The following DRAXIN variants were observed in gnomAD, a reference collection of about 807,000 sequenced individuals.
The protein encoded by DRAXIN is dorsal repulsive axon guidance protein.
Under a neutral mutation model 33.9 loss-of-function variants are expected in DRAXIN, and 27 were observed. The ratio of observed to expected loss-of-function variants is 0.80; its 90% confidence interval spans 0.59 to 1.10. The LOEUF (loss-of-function observed/expected upper bound fraction) is 1.10, where lower values mean the gene tolerates loss of function less well. Among genes scored for constraint, DRAXIN ranks in the 50% least tolerant of loss-of-function variants. DRAXIN has a pLI of 0.00. For missense variants in DRAXIN, 371 were observed against 460.8 expected (o/e 0.81, Z 1.78); for synonymous variants, 178 against 194.0 (o/e 0.92, Z 0.69).
intron 3 of DRAXIN, among the ~76,000 whole-genome samples, chr1:11,709,715 G>A (rs1273194855): frequency 6.6e-6 from 1 of 152,252 alleles, no homozygotes; most frequent in Non-Finnish European, 1.5e-5. Context: ...CAGCCAAGGA[G>A]GCAAGCGGTA....
Position 11,705,298 on chromosome 1 carries a change from G to C in DRAXIN, c.-10-951G>C, listed in dbSNP as rs544358141. On this transcript the variant is annotated intron_variant, in intron 1 of 6. Transcript: ENST00000294485. The surrounding 1 kb of genome is among the most constrained non-coding windows in gnomAD (Gnocchi z 4.8). Reference sequence around the variant, plus strand: ...GGGGGAGCAGCTGCGGGTGGTGCACGGGGGCAGGAGGTCTCCAGAGTCTGA... The same window carrying C: ...GGGGGAGCAGCTGCGGGTGGTGCACCGGGGCAGGAGGTCTCCAGAGTCTGA... Among the ~76,000 whole-genome samples the C allele has an allele frequency of 4.6e-5, 7 of 152,234 alleles. No homozygotes were observed. Among genetic ancestry groups the C allele is most frequent in the Admixed American group, 2.6e-4 (4 of 15,300 alleles).
At position 11,712,324 on chromosome 1, in the gene DRAXIN, ATCT is replaced by A. The variant is rs756394159; in HGVS notation, c.758-11_758-9del. 4.3e-6 allele frequency: 7 copies of A among 1,613,990 alleles called. No individual in the cohort carries two copies. The highest frequency in any genetic ancestry group is 5.9e-6 in the Non-Finnish European group (7 of 1,179,934). ...GCTGGGCCCCAGCTTCTGACGACAG[ATCT>A]TCTTATCCCCAGAGAAACACCGCGG... On this transcript the variant is annotated splice_polypyrimidine_tract_variant and intron_variant, in intron 4 of 6. Transcript: ENST00000294485.
Position 11,719,793 on chromosome 1 carries a change from G to C in DRAXIN, c.*97G>C. The C allele has an allele frequency of 3.6e-6, 4 of 1,106,404 alleles. No homozygotes were observed. The highest frequency in any genetic ancestry group is 2.8e-5 in the South Asian group (2 of 72,636). The allele number at this position is 1,106,404 out of a possible 1,614,324, so 68.5% of individuals were successfully genotyped here. ...GGGAGATCAAGTTGGGGAACAGATG[G>C]CTGAGGCTGCAGACTCAGGCCCAGG... On this transcript the variant is annotated 3_prime_UTR_variant, in exon 7 of 7. Transcript: ENST00000294485.
At chr1:11,716,984 A>G (rs1641587324) in intron 6 of DRAXIN, among the ~76,000 whole-genome samples, 4 of 152,246 alleles carry the variant, frequency 2.6e-5, no homozygotes. Flanking sequence ...GTATGTCTTT[A>G]GAAAATAATA....
intron 6 of DRAXIN, among the ~76,000 whole-genome samples, chr1:11,719,110 G>T (rs543036808): frequency 1.3e-5 from 2 of 152,046 alleles, no homozygotes; most frequent in Admixed American, 1.3e-4. Flanking sequence ...CACCATGTTG[G>T]CCAGGCTGGT....
rs188413365 is a variant in DRAXIN at position 11,710,265 on chromosome 1, G to A, written c.642+800G>A. 3.8e-4 allele frequency among the ~76,000 whole-genome samples: 58 copies of A among 151,922 alleles called. 1 individual carries two copies. Among genetic ancestry groups the A allele is most frequent in the African/African-American group, 1.3e-3 (54 of 41,402 alleles). On this transcript the variant is annotated intron_variant, in intron 3 of 6. Transcript: ENST00000294485. ...CTAACACCTTAGAAGGCCAAGGCACGAGGGTCACTTGAGCCCAGGAGTTTG... is the reference window on the plus strand; with the variant it reads ...CTAACACCTTAGAAGGCCAAGGCACAAGGGTCACTTGAGCCCAGGAGTTTG...
At chr1:11,687,082 T>A (rs560997420), upstream of DRAXIN, among the ~76,000 whole-genome samples, 1 of 152,166 alleles carries the variant, frequency 6.6e-6, no homozygotes, top group Admixed American at 6.5e-5. This position sits in a 1 kb window ranked among gnomAD's most constrained non-coding sequence, Gnocchi z 4.1. Context: ...TTTTATTTTT[T>A]GGAGACAGGG....
chr1:11,686,900 TTAGTA>T (rs953030201), upstream of DRAXIN, among the ~76,000 whole-genome samples: 4 of 152,180 alleles, frequency 2.6e-5, no homozygotes. Flanking sequence ...TCAGTGATTT[TTAGTA>T]TAGTTACAAT....
chr1:11,714,711 G>A (rs1351160189), intron 5 of DRAXIN, among the ~76,000 whole-genome samples: 9 of 152,228 alleles, frequency 5.9e-5, no homozygotes, highest in East Asian at 1.9e-4. Flanking sequence ...TCTGGGAGCC[G>A]GCTCCATGGC....
Position 11,706,128 on chromosome 1 carries a change from T to A in DRAXIN, c.-10-121T>A, listed in dbSNP as rs1641374971. On this transcript the variant is annotated intron_variant, in intron 1 of 6. Coordinates refer to ENST00000294485, the MANE Select transcript of DRAXIN (RefSeq NM_198545.4). The surrounding 1 kb of genome is among the most constrained non-coding windows in gnomAD (Gnocchi z 5.5). ...AAATATGTCTTCGGGCATTGCCAAA[T>A]GTCACTGGGAGCAAAATGTCCCTCT... 5.1e-6 allele frequency: 5 copies of A among 980,064 alleles called. 1 individual carries two copies. The South Asian group carries it at 9.4e-5, about 18-fold the overall frequency. 60.7% of individuals were successfully genotyped at this position (980,064 alleles called of 1,614,324 possible). A position where few individuals can be genotyped will look rare whatever the true frequency, so the allele number is the denominator to read the frequency against.
chr1:11,701,233 G>A (rs1199485120), intron 1 of DRAXIN, among the ~76,000 whole-genome samples: 1 of 152,178 alleles, frequency 6.6e-6, no homozygotes, highest in African/African-American at 2.4e-5. Context: ...GAGGCAGGTG[G>A]CCCCACGGGC....
At chr1:11,698,654 A>C (rs1641228044) in intron 1 of DRAXIN, among the ~76,000 whole-genome samples, 1 of 152,192 alleles carries the variant, frequency 6.6e-6, no homozygotes, top group Admixed American at 6.5e-5. Context: ...GAAGTTCAAG[A>C]CCAGCCTGGG....
rs148462394 is a variant in DRAXIN at position 11,715,036 on chromosome 1, C to G, written c.848-83C>G. 2.0e-4 allele frequency: 303 copies of G among 1,515,096 alleles called. 1 individual carries two copies. In the African/African-American group the frequency reaches 3.6e-3, roughly 18 times the overall value. The allele number at this position is 1,515,096 out of a possible 1,614,324, so 93.9% of individuals were successfully genotyped here. On this transcript the variant is annotated intron_variant, in intron 5 of 6. Coordinates refer to ENST00000294485, the MANE Select transcript of DRAXIN (RefSeq NM_198545.4). ...GCGGCCTGCCACAGAGATGATGGAT[C>G]TCTTGTCCAGTGGGACCGAGTGCAG...
intron 3 of DRAXIN, among the ~76,000 whole-genome samples, chr1:11,710,758 CA>C (rs1222886420): frequency 0.057 from 6,025 of 105,222 alleles, 182 homozygotes; most frequent in African/African-American, 0.11. Context: ...ACTAAAAATA[CA>C]AAAAAAAAAA....
rs1211936028 is a variant in DRAXIN, at chr1:11,705,816, A to G, written c.-10-433A>G. 6.6e-6 allele frequency among the ~76,000 whole-genome samples: 1 copy of G among 152,174 alleles called. No homozygotes were observed. Among genetic ancestry groups the G allele is most frequent in the Non-Finnish European group, 1.5e-5 (1 of 68,022 alleles). ...TTTGTATGGAATTAGGCTCCGAGTCAAGTCTCAGGGGCCAGAGGCATATTT... is the reference window on the plus strand; with the variant it reads ...TTTGTATGGAATTAGGCTCCGAGTCGAGTCTCAGGGGCCAGAGGCATATTT... On this transcript the variant is annotated intron_variant, in intron 1 of 6. Transcript: ENST00000294485. The surrounding 1 kb of genome is among the most constrained non-coding windows in gnomAD (Gnocchi z 4.8).
chr1:11,706,498 G>A lies in DRAXIN; in HGVS notation c.240G>A (p.Val80=). Residue 80 remains valine (V), a synonymous_variant, in exon 2 of 7, where the codon GTG becomes GTA. Coordinates refer to ENST00000294485, the MANE Select transcript of DRAXIN (RefSeq NM_198545.4). The surrounding 1 kb of genome is among the most constrained non-coding windows in gnomAD (Gnocchi z 5.5). ...CCAGCCAGGCCCAGGATGGGGCTGT[G>A]GTCACCGCCACCAGGCAGGCCTCCA... ...GLPSQAQDGA[V]VTATRQASRL... is the part of the protein sequence containing the mutation. 6.2e-7 allele frequency: 1 copy of A among 1,611,564 alleles called. No homozygotes were observed. Among genetic ancestry groups the A allele is most frequent in the African/African-American group, 1.3e-5 (1 of 75,006 alleles).
In DRAXIN at chr1:11,706,324, G is replaced by A. The variant is rs371517017; in HGVS notation, c.66G>A (p.Leu22=). 1.4e-4 allele frequency: 222 copies of A among 1,613,646 alleles called. No individual in the cohort carries two copies. The highest frequency in any genetic ancestry group is 1.8e-4 in the Non-Finnish European group (210 of 1,179,994). ...LFLVLLLPLE[L]SLAGALAPGT... The stretch of plus-strand genomic sequence containing the variant: ...TCGTCCTCCTGCTGCCCCTGGAGCT[G>A]AGCCTGGCAGGCGCCCTTGCACCTG... Residue 22 remains leucine, a synonymous_variant, in exon 2 of 7, where the codon CTG becomes CTA. Coordinates refer to ENST00000294485, the MANE Select transcript of DRAXIN (RefSeq NM_198545.4). This position sits in a 1 kb window ranked among gnomAD's most constrained non-coding sequence, Gnocchi z 5.5.
chr1:11,702,373 CCACA>C (rs1257584533), intron 1 of DRAXIN, among the ~76,000 whole-genome samples: 2 of 149,362 alleles, frequency 1.3e-5, no homozygotes, highest in East Asian at 2.0e-4. Flanking sequence ...ACCTACACAC[CCACA>C]CATTCACGCT....
At position 11,721,464 on chromosome 1, in the gene DRAXIN, CT is replaced by C. The variant is rs1475878473; in HGVS notation, c.*1769del. 6.6e-6 allele frequency: 1 copy of C among 152,250 alleles called. No homozygotes were observed. Among genetic ancestry groups the C allele is most frequent in the African/African-American group, 2.4e-5 (1 of 41,458 alleles). 9.4% of individuals were successfully genotyped at this position (152,250 alleles called of 1,614,324 possible). A position where few individuals can be genotyped will look rare whatever the true frequency, so the allele number is the denominator to read the frequency against. ...AGGTTGCAAATGACAAAAGACTTTC[CT>C]GGCCAAATTCCTCACTGGCCTGGAT... is the stretch of plus-strand genomic sequence containing the variant. On this transcript the variant is annotated 3_prime_UTR_variant, in exon 7 of 7. Transcript: ENST00000294485.
Sources: allele counts gnomAD v4.1 joint callset (sites outside exome capture counted in the v4.1 genomes callset), GRCh38; gene constraint gnomAD v4.1.1; non-coding constraint Gnocchi (gnomAD v3.1); transcripts MANE v1.5; gene names NCBI Gene and HGNC (gene_info 2026-07-23, HGNC 2026-07-21).